Variants in WSB1 observed in about 807,000 individuals in gnomAD.
WSB1 encodes WD repeat and SOCS box containing 1.
In WSB1, 23 loss-of-function variants were observed where a neutral mutation model predicts 50.2. That is an observed-to-expected ratio of 0.46 (90% CI 0.33 to 0.65). WSB1 has a LOEUF of 0.65. Among genes scored for constraint, WSB1 ranks in the 30% least tolerant of loss-of-function variants. WSB1 has a pLI of 0.02. For synonymous variants in WSB1, 179 were observed against 172.0 expected (o/e 1.04, Z -0.32); for missense variants, 492 against 522.3 (o/e 0.94, Z 0.56).
At chr17:27,306,984 C>A in intron 5 of WSB1, 102 bp downstream of exon 5, 1 of 1,084,786 alleles carries the variant, frequency 9.2e-7, no homozygotes, top group South Asian at 1.5e-5. Flanking sequence ...TGCTCGGTGT[C>A]ATGAATATTT....
Position 27,296,737 on chromosome 17 carries a change from T to C in WSB1, c.40+2302T>C, listed in dbSNP as rs528240810. ...TTTTACAGATATTAATAATGTAGTG[T>C]TGTATCTTACGGCTGATTTCCCATG... On this transcript the variant is annotated intron_variant, in intron 1 of 8. Coordinates refer to ENST00000262394, the MANE Select transcript of WSB1 (RefSeq NM_015626.10). Among the ~76,000 whole-genome samples, 3 of 152,348 alleles carry C rather than the reference T, an allele frequency of 2.0e-5. No homozygotes were observed. The South Asian group carries it at 6.2e-4, about 32-fold the overall frequency.
Position 27,301,848 on chromosome 17 carries a change from G to C in WSB1, c.101G>C (p.Gly34Ala), listed in dbSNP as rs772516596. 6.2e-7 allele frequency: 1 copy of C among 1,614,148 alleles called. No individual in the cohort carries two copies. Among genetic ancestry groups the C allele is most frequent in the Non-Finnish European group, 8.5e-7 (1 of 1,180,018 alleles). Reference protein sequence around the residue: ...APAAPFDKKCGRENWTVAFAP... With the variant: ...APAAPFDKKCARENWTVAFAP... ...GCAGCTCCTTTTGACAAGAAATGTG[G>C]TCGTGAAAATTGGACTGTTGCTTTT... Residue 34 changes from glycine to alanine, a missense_variant, in exon 2 of 9, where the codon GGT becomes GCT. By Grantham distance (60) the Gly-to-Ala change is moderately conservative (BLOSUM62 0). Transcript: ENST00000262394.
rs894082655 is a variant in WSB1 at position 27,315,336 on chromosome 17, T to C, written c.*2967T>C. ...TGGAGTACATGTGAACATAGGAAAA[T>C]CACACTCAGCAGCCAAGCTATCCTT... On this transcript the variant is annotated 3_prime_UTR_variant, in exon 9 of 9. Coordinates refer to ENST00000262394, the MANE Select transcript of WSB1 (RefSeq NM_015626.10). 12 of 152,194 alleles carry C rather than the reference T, an allele frequency of 7.9e-5. No homozygotes were observed. Among genetic ancestry groups the C allele is most frequent in the Admixed American group, 4.6e-4 (7 of 15,276 alleles). 9.4% of individuals were successfully genotyped at this position (152,194 alleles called of 1,614,324 possible). A position where few individuals can be genotyped will look rare whatever the true frequency, so the allele number is the denominator to read the frequency against.
intron 7 of WSB1, among the ~76,000 whole-genome samples, chr17:27,310,620 A>G (rs1211246299): frequency 3.3e-5 from 5 of 152,242 alleles, no homozygotes; most frequent in African/African-American, 4.8e-5. Flanking sequence ...ACTAGTTGCA[A>G]CCATCTGTGT....
chr17:27,294,413 G>T lies in WSB1; in HGVS notation c.18G>T (p.Pro6=). The change falls in exon 1 of 9, where the codon CCG becomes CCT. Residue 6 remains proline, a synonymous_variant. Coordinates refer to ENST00000262394, the MANE Select transcript of WSB1 (RefSeq NM_015626.10). MASFP[P]RVNEKEIVRL... is the part of the protein sequence containing the mutation. ...CCCCATAGATGGCCAGCTTTCCCCC[G>T]AGGGTCAACGAGAAAGAGATCGGTG... 1.2e-6 allele frequency: 2 copies of T among 1,613,870 alleles called. No homozygotes were observed. Among genetic ancestry groups the T allele is most frequent in the Non-Finnish European group, 1.7e-6 (2 of 1,179,828 alleles).
At chr17:27,298,255 G>A (rs759845091) in intron 1 of WSB1, among the ~76,000 whole-genome samples, 8 of 151,202 alleles carry the variant, frequency 5.3e-5, no homozygotes, top group South Asian at 2.1e-4. Flanking sequence ...GCTGTTCCTC[G>A]TATACAAGTT....
In WSB1 at chr17:27,310,226, TAAGCCTTA is replaced by T. The variant is rs1350299045; in HGVS notation, c.998+60_998+67del. The T allele has an allele frequency of 2.6e-6, 4 of 1,552,794 alleles. No individual in the cohort carries two copies. The Admixed American group carries it at 5.0e-5, about 20-fold the overall frequency. On this transcript the variant is annotated intron_variant, in intron 7 of 8. Transcript: ENST00000262394. ...GACTTACTATTACCTTTTACATTCT[TAAGCCTTA>T]AAGCCTTTCTGCAGTTAAGAGTTTT...
At chr17:27,295,402 C>T (rs2016913531) in intron 1 of WSB1, among the ~76,000 whole-genome samples, 1 of 152,118 alleles carries the variant, frequency 6.6e-6, no homozygotes, top group Non-Finnish European at 1.5e-5. Flanking sequence ...GCTGAAGTAG[C>T]CAAAACGCGC....
At chr17:27,302,230 G>A (rs1050687295) in intron 2 of WSB1, among the ~76,000 whole-genome samples, 10 of 151,986 alleles carry the variant, frequency 6.6e-5, no homozygotes, top group African/African-American at 1.9e-4. Flanking sequence ...GGCCAACATG[G>A]TGAAACCCCA....
intron 6 of WSB1, 38 bp downstream of exon 6, chr17:27,309,310 C>G (rs545322545): frequency 7.0e-7 from 1 of 1,422,016 alleles, no homozygotes; most frequent in South Asian, 1.5e-5. Flanking sequence ...TATAATTCAT[C>G]TCCACCTATC....
At position 27,303,421 on chromosome 17, in the gene WSB1, A is replaced by G. The variant is rs2017316424; in HGVS notation, c.264A>G (p.Arg88=). The change falls in exon 3 of 9, where the codon AGA becomes AGG. Residue 88 remains arginine (R), a synonymous_variant. Coordinates refer to ENST00000262394, the MANE Select transcript of WSB1 (RefSeq NM_015626.10). ...VTNSSSLRLP[R]QNSDGGQKNK... ...ATTCAAGCAGTTTAAGATTGCCAAG[A>G]CAAAATAGTGATGGTGGTCAGAAAA... 1 of 1,614,000 alleles carries G rather than the reference A, an allele frequency of 6.2e-7. No individual in the cohort carries two copies. Among genetic ancestry groups the G allele is most frequent in the Admixed American group, 1.7e-5 (1 of 60,000 alleles).
At chr17:27,296,180 A>G (rs116520969) in intron 1 of WSB1, among the ~76,000 whole-genome samples, 2,025 of 151,780 alleles carry the variant, frequency 0.013, 44 homozygotes, top group African/African-American at 0.045. Flanking sequence ...TAGCATACCT[A>G]CATAAAGTAG....
At position 27,312,677 on chromosome 17, in the gene WSB1, CA is replaced by C; in HGVS notation, c.*309del. On this transcript the variant is annotated 3_prime_UTR_variant, in exon 9 of 9. Coordinates refer to ENST00000262394, the MANE Select transcript of WSB1 (RefSeq NM_015626.10). ...TTGCTTTTCTGATTTTTAGTTCTGA[CA>C]TGTATATATTGCTTCAGTAGAGCCA... 1 of 247,266 alleles carries C rather than the reference CA, an allele frequency of 4.0e-6. No individual in the cohort carries two copies. The highest frequency in any genetic ancestry group is 7.8e-6 in the Non-Finnish European group (1 of 128,644). 15.3% of individuals were successfully genotyped at this position (247,266 alleles called of 1,614,324 possible).
Position 27,294,117 on chromosome 17 carries a change from G to A in WSB1, c.-279G>A, listed in dbSNP as rs1241069790. On this transcript the variant is annotated 5_prime_UTR_variant, in exon 1 of 9. Coordinates refer to ENST00000262394, the MANE Select transcript of WSB1 (RefSeq NM_015626.10). ...CGCCGCCCGCCATTTTGACTCCAGTGTCTCGTTTGCAGTCGGCGCTTTAGG... is the reference window on the plus strand; with the variant it reads ...CGCCGCCCGCCATTTTGACTCCAGTATCTCGTTTGCAGTCGGCGCTTTAGG... 3 of 281,542 alleles carry A rather than the reference G, an allele frequency of 1.1e-5. No individual in the cohort carries two copies. The highest frequency in any genetic ancestry group is 2.0e-5 in the Non-Finnish European group (3 of 149,982). The allele number at this position is 281,542 out of a possible 1,614,324, so 17.4% of individuals were successfully genotyped here.
Position 27,294,276 on chromosome 17 carries a change from G to T in WSB1, c.-120G>T. 5 of 1,379,116 alleles carry T rather than the reference G, an allele frequency of 3.6e-6. No homozygotes were observed. Among genetic ancestry groups the T allele is most frequent in the Non-Finnish European group, 4.9e-6 (5 of 1,016,312 alleles). The allele number at this position is 1,379,116 out of a possible 1,614,324, so 85.4% of individuals were successfully genotyped here. A position where few individuals can be genotyped will look rare whatever the true frequency, so the allele number is the denominator to read the frequency against. On this transcript the variant is annotated 5_prime_UTR_variant, in exon 1 of 9. Coordinates refer to ENST00000262394, the MANE Select transcript of WSB1 (RefSeq NM_015626.10). Reference sequence around the variant, plus strand: ...GAAGCCGCAGCGGCCGCCCCCGCCCGTCTCCTCTGTCCCTGGGCCCGGGAG... The same window carrying T: ...GAAGCCGCAGCGGCCGCCCCCGCCCTTCTCCTCTGTCCCTGGGCCCGGGAG...
At chr17:27,294,766 C>T (rs1410200257) in intron 1 of WSB1, among the ~76,000 whole-genome samples, 13 of 152,068 alleles carry the variant, frequency 8.5e-5, no homozygotes, top group African/African-American at 2.2e-4. Flanking sequence ...CAGGGAAGGG[C>T]CACTCAGGGA....
rs1324540430 is a variant in WSB1 at position 27,302,135 on chromosome 17, G to T, written c.209+179G>T. On this transcript the variant is annotated intron_variant, in intron 2 of 8. Transcript: ENST00000262394. ...TTGTGTAAAGAATTCTTTGGGCCGG[G>T]CGCGGCGGCTCAGGCCTATAATCCC... 5.0e-6 allele frequency: 4 copies of T among 804,374 alleles called. No homozygotes were observed. In the East Asian group the frequency reaches 1.4e-4, roughly 29 times the overall value. The allele number at this position is 804,374 out of a possible 1,614,324, so 49.8% of individuals were successfully genotyped here.
At chr17:27,298,944 A>G (rs1375133009) in intron 1 of WSB1, among the ~76,000 whole-genome samples, 1 of 152,088 alleles carries the variant, frequency 6.6e-6, no homozygotes, top group African/African-American at 2.4e-5. Flanking sequence ...AGTCCCTGCT[A>G]CAGCTACTCA....
At position 27,313,452 on chromosome 17, in the gene WSB1, A is replaced by C. The variant is rs2017765851; in HGVS notation, c.*1083A>C. 1 of 152,472 alleles carries C rather than the reference A, an allele frequency of 6.6e-6. No homozygotes were observed. Among genetic ancestry groups the C allele is most frequent in the Non-Finnish European group, 1.5e-5 (1 of 68,002 alleles). 9.4% of individuals were successfully genotyped at this position (152,472 alleles called of 1,614,324 possible). A position where few individuals can be genotyped will look rare whatever the true frequency, so the allele number is the denominator to read the frequency against. On this transcript the variant is annotated 3_prime_UTR_variant, in exon 9 of 9. Coordinates refer to ENST00000262394, the MANE Select transcript of WSB1 (RefSeq NM_015626.10). Reference sequence around the variant, plus strand: ...GACCATGGATTTAAAAAAAAAAAAAAAAACTCTGTTTCTGCAGGGGATGAT... The same window carrying C: ...GACCATGGATTTAAAAAAAAAAAAACAAACTCTGTTTCTGCAGGGGATGAT...
Sources: allele counts gnomAD v4.1 joint callset (sites outside exome capture counted in the v4.1 genomes callset), GRCh38; gene constraint gnomAD v4.1.1; transcripts MANE v1.5; gene names NCBI Gene and HGNC (gene_info 2026-07-23, HGNC 2026-07-21).